Variants in BTAF1 observed in about 807,000 individuals in gnomAD.
The protein encoded by BTAF1 is B-TFIID TATA-box binding protein associated factor 1, also known as TATA-binding protein-associated factor 172.
Under a neutral mutation model 227.1 loss-of-function variants are expected in BTAF1, and 38 were observed. The observed-to-expected ratio is 0.17, with a 90% confidence interval of 0.13 to 0.22. BTAF1 has a LOEUF of 0.22. BTAF1 is among the 10% of genes least tolerant of loss of function. The pLI is 1.00. For synonymous variants in BTAF1, 742 were observed against 751.9 expected (o/e 0.99, Z 0.21); for missense variants, 1,598 against 2,204.0 (o/e 0.73, Z 5.51).
chr10:91,953,721 T>G lies in BTAF1; in HGVS notation c.565-16T>G. On this transcript the variant is annotated splice_polypyrimidine_tract_variant and intron_variant, in intron 5 of 37. Transcript: ENST00000265990. ...AATTTCAAAAGTTCCAACTCAGCAT[T>G]CTTTTATTCTTTTAGACTCTTCAGG... 6.2e-7 allele frequency: 1 copy of G among 1,605,882 alleles called. No homozygotes were observed.
rs546938228 is a variant in BTAF1 at position 92,030,474 on chromosome 10, T to TTAAC, written c.*1544_*1547dup. On this transcript the variant is annotated 3_prime_UTR_variant, in exon 38 of 38. Coordinates refer to ENST00000265990, the MANE Select transcript of BTAF1 (RefSeq NM_003972.3). ...TATATTTGAGTTGAATATTTTTTTA[T>TTAAC]TAACTATTTATTTGCTAGTTCCATA... is the stretch of plus-strand genomic sequence containing the variant. 3.7e-4 allele frequency: 57 copies of TTAAC among 152,276 alleles called. No individual in the cohort carries two copies. The South Asian group carries it at 1.0e-2, about 27-fold the overall frequency. The allele number at this position is 152,276 out of a possible 1,614,324, so 9.4% of individuals were successfully genotyped here.
chr10:91,928,904 G>T (rs1401200938), intron 1 of BTAF1, among the ~76,000 whole-genome samples: 1 of 151,932 alleles, frequency 6.6e-6, no homozygotes, highest in African/African-American at 2.4e-5. Flanking sequence ...GCACAATCAC[G>T]GCCTCAAGTG....
Position 91,939,851 on chromosome 10 carries a change from A to G in BTAF1, c.139-101A>G. 2 of 661,176 alleles carry G rather than the reference A, an allele frequency of 3.0e-6. 1 individual carries two copies. Among genetic ancestry groups the G allele is most frequent in the South Asian group, 4.3e-5 (2 of 46,176 alleles). 41.0% of individuals were successfully genotyped at this position (661,176 alleles called of 1,614,324 possible). On this transcript the variant is annotated intron_variant, in intron 2 of 37. Coordinates refer to ENST00000265990, the MANE Select transcript of BTAF1 (RefSeq NM_003972.3). The stretch of plus-strand genomic sequence containing the variant: ...TTTTATATGTATTTGGATGGCTGCC[A>G]AATTACACATTAATAACAAGTAAAT...
At chr10:91,973,796 T>C (rs1015360736) in intron 14 of BTAF1, among the ~76,000 whole-genome samples, 7 of 144,396 alleles carry the variant, frequency 4.8e-5, no homozygotes, top group Admixed American at 1.4e-4. Flanking sequence ...CCCAGCTACT[T>C]GGGAGGCTGA....
At chr10:91,932,138 T>A (rs1478065407) in intron 1 of BTAF1, among the ~76,000 whole-genome samples, 2 of 151,820 alleles carry the variant, frequency 1.3e-5, no homozygotes, top group Non-Finnish European at 2.9e-5. Context: ...TAGAGAGGAG[T>A]CTAAGGTCTT....
intron 25 of BTAF1, among the ~76,000 whole-genome samples, chr10:92,007,714 T>A (rs1371268499): frequency 6.6e-6 from 1 of 152,242 alleles, no homozygotes; most frequent in Non-Finnish European, 1.5e-5. Context: ...ATAATGTTTT[T>A]CTTTTATTAT....
intron 13 of BTAF1, among the ~76,000 whole-genome samples, chr10:91,965,712 C>CTT (rs1418613123): frequency 6.6e-6 from 1 of 152,048 alleles, no homozygotes; most frequent in Non-Finnish European, 1.5e-5. Flanking sequence ...TTTAACAAGA[C>CTT]TTTGTTATAA....
chr10:92,017,349 G>A (rs1421041083), intron 33 of BTAF1, among the ~76,000 whole-genome samples: 19 of 152,292 alleles, frequency 1.2e-4, no homozygotes, highest in African/African-American at 4.6e-4. Context: ...GTCAGATCAT[G>A]CCTCATATGC....
chr10:91,925,686 T>C (rs568430985), intron 1 of BTAF1, among the ~76,000 whole-genome samples: 2 of 152,238 alleles, frequency 1.3e-5, no homozygotes, highest in South Asian at 4.2e-4. Flanking sequence ...TAGTTTTTTG[T>C]ATTTTTAGTA....
intron 1 of BTAF1, among the ~76,000 whole-genome samples, chr10:91,931,624 C>T (rs1844281839): frequency 6.6e-6 from 1 of 152,170 alleles, no homozygotes; most frequent in African/African-American, 2.4e-5. Flanking sequence ...CCTGTCTACC[C>T]TCCAACATAA....
At chr10:92,016,923 G>A (rs1449377374) in intron 33 of BTAF1, among the ~76,000 whole-genome samples, 1 of 151,968 alleles carries the variant, frequency 6.6e-6, no homozygotes, top group Non-Finnish European at 1.5e-5. Flanking sequence ...ATCTTAATAA[G>A]CACTTTAATA....
At chr10:91,952,584 T>C (rs1266039936) in intron 5 of BTAF1, among the ~76,000 whole-genome samples, 1 of 152,230 alleles carries the variant, frequency 6.6e-6, no homozygotes, top group Non-Finnish European at 1.5e-5. Flanking sequence ...TTTCCTTTGC[T>C]TCAGTGGAGA....
Position 91,948,533 on chromosome 10 carries a change from C to T in BTAF1, c.401-2870C>T, listed in dbSNP as rs778928134. 9.9e-5 allele frequency among the ~76,000 whole-genome samples: 15 copies of T among 150,980 alleles called. 1 individual carries two copies. The highest frequency in any genetic ancestry group is 2.2e-4 in the Non-Finnish European group (15 of 67,780). On this transcript the variant is annotated intron_variant, in intron 4 of 37. Coordinates refer to ENST00000265990, the MANE Select transcript of BTAF1 (RefSeq NM_003972.3). ...CTAGGACCACAGGCACGTGCCACCACGCCTGGCTAATTTTTTATTTTTTTT... is the reference window on the plus strand; with the variant it reads ...CTAGGACCACAGGCACGTGCCACCATGCCTGGCTAATTTTTTATTTTTTTT...
In BTAF1 at chr10:91,994,546, C is replaced by T. The variant is rs927137772; in HGVS notation, c.3211C>T (p.Leu1071Phe). 4 of 1,610,538 alleles carry T rather than the reference C, an allele frequency of 2.5e-6. No homozygotes were observed. The highest frequency in any genetic ancestry group is 2.2e-5 in the South Asian group (2 of 90,574). ...IDINNFDGKSLLDKGDSPAQE... is the reference protein window; with the variant it reads ...IDINNFDGKSFLDKGDSPAQE... ...ATATATTTTAACAGATGGAAAATCC[C>T]TCCTGGATAAGGGAGATAGCCCTGC... The change falls in exon 23 of 38, where the codon CTC becomes TTC. Residue 1071 changes from leucine to phenylalanine, a missense_variant. Transcript: ENST00000265990.
chr10:91,956,703 C>T, intron 7 of BTAF1, 46 bp downstream of exon 7: 7 of 1,583,628 alleles, frequency 4.4e-6, no homozygotes, highest in Non-Finnish European at 6.0e-6. Context: ...TGCTTATAAT[C>T]TTTGGGCCAG....
Position 91,959,372 on chromosome 10 carries a change from G to C in BTAF1, c.990+218G>C, listed in dbSNP as rs922231535. On this transcript the variant is annotated intron_variant, in intron 9 of 37. Coordinates refer to ENST00000265990, the MANE Select transcript of BTAF1 (RefSeq NM_003972.3). Reference sequence around the variant, plus strand: ...TGAGCAACATAATTGGTATTGCCTGGAGACACTGGTAATAGTATAAATAAT... The same window carrying C: ...TGAGCAACATAATTGGTATTGCCTGCAGACACTGGTAATAGTATAAATAAT... 3.1e-5 allele frequency: 28 copies of C among 915,708 alleles called. No individual in the cohort carries two copies. In the Admixed American group the frequency reaches 7.1e-4, roughly 23 times the overall value. 56.7% of individuals were successfully genotyped at this position (915,708 alleles called of 1,614,324 possible). A position where few individuals can be genotyped will look rare whatever the true frequency, so the allele number is the denominator to read the frequency against.
intron 19 of BTAF1, among the ~76,000 whole-genome samples, chr10:91,988,007 T>G (rs1848519011): frequency 6.6e-6 from 1 of 152,290 alleles, no homozygotes; most frequent in Admixed American, 6.5e-5. Flanking sequence ...ACTCCCTACC[T>G]CACTTTGTTT....
intron 25 of BTAF1, among the ~76,000 whole-genome samples, chr10:92,007,083 A>C (rs905513923): frequency 6.6e-6 from 1 of 151,626 alleles, no homozygotes; most frequent in Non-Finnish European, 1.5e-5. Context: ...TCCTCAACAG[A>C]TTGTACTTTG....
chr10:91,948,332 AT>A (rs919088134), intron 4 of BTAF1, among the ~76,000 whole-genome samples: 1 of 150,432 alleles, frequency 6.6e-6, no homozygotes, highest in Non-Finnish European at 1.5e-5. Context: ...GTGGTTTAAA[AT>A]TTTTTTTTCA....
Sources: gnomAD v4.1 joint callset for allele counts (sites outside exome capture counted in the v4.1 genomes callset) on GRCh38, gnomAD v4.1.1 for gene constraint, MANE v1.5 for transcripts, NCBI Gene and HGNC (gene_info 2026-07-23, HGNC 2026-07-21) for gene names.